HHAT: variants seen among roughly 807,000 people sequenced by gnomAD.
HHAT encodes the protein hedgehog acyltransferase, also known as protein-cysteine N-palmitoyltransferase HHAT.
In HHAT, 47 loss-of-function variants were observed where a neutral mutation model predicts 70.8. The observed-to-expected ratio is 0.66, with a 90% confidence interval of 0.53 to 0.85. The LOEUF (loss-of-function observed/expected upper bound fraction) is 0.85. HHAT is among the 40% of genes least tolerant of loss of function. The probability of loss-of-function intolerance (pLI) is 0.00; values close to 1 mark genes in which losing one functional copy is unlikely to be tolerated. For missense variants in HHAT, 609 were observed against 604.8 expected, an observed-to-expected ratio of 1.01 and a Z score of -0.07; for synonymous variants, 228 against 247.6, an observed-to-expected ratio of 0.92 and a Z score of 0.74.
At chr1:210,495,706 A>C (rs897644957) in intron 8 of HHAT, among the ~76,000 whole-genome samples, 3 of 152,112 alleles carry the variant, frequency 2.0e-5, no homozygotes, top group African/African-American at 7.2e-5. Context: ...GGTTTCAGGC[A>C]ACATTTGAAA....
intron 2 of HHAT, among the ~76,000 whole-genome samples, chr1:210,357,688 C>T (rs548267015): frequency 6.8e-4 from 104 of 152,186 alleles, no homozygotes; most frequent in East Asian, 2.9e-3. Flanking sequence ...GGTGTGGTGG[C>T]GGGCGCCTGT....
At chr1:210,640,609 A>G (rs1672791804) in intron 11 of HHAT, among the ~76,000 whole-genome samples, 1 of 152,092 alleles carries the variant, frequency 6.6e-6, no homozygotes, top group African/African-American at 2.4e-5. Context: ...TGTCTTTGCC[A>G]AAGCCCTAAC....
chr1:210,510,436 A>G (rs527808460), intron 8 of HHAT, among the ~76,000 whole-genome samples: 1 of 152,310 alleles, frequency 6.6e-6, no homozygotes, highest in South Asian at 2.1e-4. Context: ...AACTTCCATC[A>G]CTTTCCAGAG....
At chr1:210,478,633 A>G (rs2501896) in intron 8 of HHAT, among the ~76,000 whole-genome samples, 26,127 of 152,076 alleles carry the variant, frequency 0.17, 2,439 homozygotes, top group East Asian at 0.42. Context: ...CTGTGAAAGC[A>G]TCTTCCTAGT....
chr1:210,564,675 TTATC>T (rs2148717060), intron 9 of HHAT, among the ~76,000 whole-genome samples: 1 of 152,234 alleles, frequency 6.6e-6, no homozygotes, highest in South Asian at 2.1e-4. Flanking sequence ...AAAGCAGAAA[TTATC>T]TAAAGAGGAA....
chr1:210,498,798 G>A (rs1389103000), intron 8 of HHAT, among the ~76,000 whole-genome samples: 1 of 141,048 alleles, frequency 7.1e-6, no homozygotes, highest in Middle Eastern at 4.0e-3. Context: ...TTGAGACGGA[G>A]TCTCGCTCTG....
At chr1:210,441,658 G>A (rs778312579) in intron 7 of HHAT, among the ~76,000 whole-genome samples, 19 of 151,970 alleles carry the variant, frequency 1.3e-4, no homozygotes, top group East Asian at 5.8e-4. Context: ...ATATATTTTC[G>A]TCACCATGAA....
intron 9 of HHAT, among the ~76,000 whole-genome samples, chr1:210,539,174 CAA>C (rs2095404386): frequency 6.6e-6 from 1 of 152,134 alleles, no homozygotes; most frequent in South Asian, 2.1e-4. Context: ...AGGATCCACA[CAA>C]GAGACAAGGG....
intron 8 of HHAT, among the ~76,000 whole-genome samples, chr1:210,472,183 G>GA (rs1216700075): frequency 3.3e-5 from 5 of 151,942 alleles, no homozygotes; most frequent in Admixed American, 1.3e-4. Flanking sequence ...AATTTATTCA[G>GA]AAAAAAAATC....
chr1:210,470,618 C>T (rs12130471), intron 8 of HHAT, among the ~76,000 whole-genome samples: 12,145 of 152,186 alleles, frequency 0.08, 510 homozygotes, highest in South Asian at 0.12. Flanking sequence ...ATAGTGTGTC[C>T]TCTTCTCCAT....
chr1:210,602,022 C>A (rs1346565183), intron 10 of HHAT, among the ~76,000 whole-genome samples: 3 of 149,998 alleles, frequency 2.0e-5, no homozygotes, highest in Non-Finnish European at 4.5e-5. Flanking sequence ...GAAGAAAAGG[C>A]AGCCAAGGAA....
chr1:210,337,971 G>A (rs1477814092), intron 1 of HHAT, among the ~76,000 whole-genome samples: 1 of 152,180 alleles, frequency 6.6e-6, no homozygotes, highest in Non-Finnish European at 1.5e-5. Flanking sequence ...GAAAAGTGAT[G>A]GTCTTGTCCT....
chr1:210,512,247 G>T (rs561830489), intron 8 of HHAT, among the ~76,000 whole-genome samples: 3 of 152,102 alleles, frequency 2.0e-5, no homozygotes, highest in African/African-American at 7.2e-5. Context: ...TCTCTCAGGT[G>T]GAAAGCTCCA....
At chr1:210,391,983 C>A (rs1038941188) in intron 4 of HHAT, among the ~76,000 whole-genome samples, 1 of 152,078 alleles carries the variant, frequency 6.6e-6, no homozygotes, top group African/African-American at 2.4e-5. Flanking sequence ...AATCCTCCTG[C>A]CTCAGCTCCC....
chr1:210,410,269 A>G (rs887571659), intron 6 of HHAT, among the ~76,000 whole-genome samples: 20 of 151,104 alleles, frequency 1.3e-4, no homozygotes, highest in South Asian at 8.4e-4. Flanking sequence ...TGTTAGCCAG[A>G]ATGGTCTCGA....
intron 11 of HHAT, among the ~76,000 whole-genome samples, chr1:210,668,246 G>A (rs950252633): frequency 1.2e-4 from 19 of 152,192 alleles, no homozygotes; most frequent in Non-Finnish European, 2.5e-4. Context: ...CCTTTTGGCC[G>A]TTGTGAATTA....
At chr1:210,574,618 G>A (rs1031030441) in intron 9 of HHAT, among the ~76,000 whole-genome samples, 10 of 152,132 alleles carry the variant, frequency 6.6e-5, no homozygotes, top group African/African-American at 2.2e-4. Flanking sequence ...CTGACCAACC[G>A]ACCAGACTTT....
intron 9 of HHAT, among the ~76,000 whole-genome samples, chr1:210,524,523 G>T (rs539499528): frequency 6.6e-6 from 1 of 152,306 alleles, no homozygotes; most frequent in South Asian, 2.1e-4. Flanking sequence ...GGAGCCTGGG[G>T]CTGGCCAGTA....
rs189145091 is a variant in HHAT, at chr1:210,370,701, G to A, written c.159+7782G>A. On this transcript the variant is annotated intron_variant, in intron 3 of 11. Transcript: ENST00000261458. ...ATGATCTTGGCTCACTGCAACCTCC[G>A]CCTCCCGGGTTCAAGCGATTCTCTT... Among the ~76,000 whole-genome samples the A allele has an allele frequency of 2.1e-3, 276 of 134,502 alleles. 4 individuals carry two copies. The East Asian group carries it at 0.047, about 23-fold the overall frequency. 88.2% of individuals were successfully genotyped at this position (134,502 alleles called of 152,430 possible).
Sources: gnomAD v4.1 joint callset for allele counts (sites outside exome capture counted in the v4.1 genomes callset) on GRCh38, gnomAD v4.1.1 for gene constraint, MANE v1.5 for transcripts, NCBI Gene and HGNC (gene_info 2026-07-23, HGNC 2026-07-21) for gene names.